The following ATP8A1 variants were observed in gnomAD, a reference collection of about 807,000 sequenced individuals.
The protein encoded by ATP8A1 is ATPase phospholipid transporting 8A1, also known as phospholipid-transporting ATPase IA.
ATP8A1 carries 90 observed loss-of-function variants against 177.7 expected under a neutral mutation model. The observed-to-expected ratio is 0.51, with a 90% CI of 0.43 to 0.60. ATP8A1 has a LOEUF of 0.60. ATP8A1 is among the 20% of genes least tolerant of loss of function. The probability of loss-of-function intolerance (pLI) is 0.00; values close to 1 mark genes in which losing one functional copy is unlikely to be tolerated. For missense variants in ATP8A1, 1,072 were observed against 1,392.8 expected (o/e 0.77, Z 3.67); for synonymous variants, 493 against 485.9 (o/e 1.01, Z -0.19).
At chr4:42,583,168 G>C (rs1481377881) in intron 9 of ATP8A1, among the ~76,000 whole-genome samples, 2 of 17,826 alleles carry the variant, frequency 1.1e-4, no homozygotes, top group Non-Finnish European at 4.9e-4. Flanking sequence ...GGACATTCAG[G>C]AACTACACAA....
intron 23 of ATP8A1, among the ~76,000 whole-genome samples, chr4:42,506,467 G>T (rs1168168714): frequency 6.6e-6 from 1 of 152,122 alleles, no homozygotes; most frequent in Non-Finnish European, 1.5e-5. Flanking sequence ...CCCAGCTCGT[G>T]GTATTTTGTT....
intron 20 of ATP8A1, among the ~76,000 whole-genome samples, chr4:42,532,833 T>C (rs977748462): frequency 2.0e-5 from 3 of 152,248 alleles, no homozygotes; most frequent in African/African-American, 4.8e-5. Context: ...CATTCCACTA[T>C]TGTGATTTGT....
intron 5 of ATP8A1, among the ~76,000 whole-genome samples, chr4:42,614,423 G>A (rs1736697227): frequency 6.6e-6 from 1 of 152,188 alleles, no homozygotes; most frequent in East Asian, 1.9e-4. Flanking sequence ...GGCAACAAAT[G>A]CAAAAACTGC....
chr4:42,417,606 T>C (rs1287576694), intron 35 of ATP8A1, among the ~76,000 whole-genome samples: 2 of 152,208 alleles, frequency 1.3e-5, no homozygotes, highest in Non-Finnish European at 2.9e-5. Context: ...AAAATGTCAG[T>C]GTTGGTAAAA....
At chr4:42,532,250 C>A (rs188991662) in intron 20 of ATP8A1, among the ~76,000 whole-genome samples, 4 of 152,088 alleles carry the variant, frequency 2.6e-5, no homozygotes, top group Non-Finnish European at 5.9e-5. Context: ...ACTGGGAGGC[C>A]GAGGTGGGCT....
chr4:42,521,202 T>C (rs940367496), intron 22 of ATP8A1, among the ~76,000 whole-genome samples: 1 of 152,222 alleles, frequency 6.6e-6, no homozygotes, highest in African/African-American at 2.4e-5. Flanking sequence ...ATGAGTGCTA[T>C]TGAAGAGTTA....
chr4:42,611,649 G>T (rs1434607633), intron 5 of ATP8A1, among the ~76,000 whole-genome samples: 1 of 152,070 alleles, frequency 6.6e-6, no homozygotes, highest in East Asian at 1.9e-4. Flanking sequence ...TTTAGATGAA[G>T]TTGTCATTCC....
intron 31 of ATP8A1, among the ~76,000 whole-genome samples, chr4:42,446,073 G>A (rs1219301967): frequency 1.1e-4 from 4 of 37,058 alleles, no homozygotes; most frequent in Admixed American, 4.3e-4. Flanking sequence ...AGAGTGAAAC[G>A]CCCTCTCAAA....
At chr4:42,576,167 G>A (rs543660349) in intron 12 of ATP8A1, among the ~76,000 whole-genome samples, 29 of 152,006 alleles carry the variant, frequency 1.9e-4, no homozygotes, top group Non-Finnish European at 4.3e-4. Context: ...TCTGGGCCAA[G>A]AAAGAAAAAC....
At chr4:42,463,406 T>C (rs541151670) in intron 27 of ATP8A1, among the ~76,000 whole-genome samples, 12 of 152,320 alleles carry the variant, frequency 7.9e-5, no homozygotes, top group African/African-American at 2.4e-4. Context: ...CTGCCATCCA[T>C]GTAAGATGCG....
intron 21 of ATP8A1, among the ~76,000 whole-genome samples, chr4:42,524,175 T>C (rs1726439224): frequency 6.6e-6 from 1 of 152,162 alleles, no homozygotes; most frequent in African/African-American, 2.4e-5. Flanking sequence ...GCCTTGCACA[T>C]AATATATTTC....
intron 8 of ATP8A1, among the ~76,000 whole-genome samples, chr4:42,587,377 G>A (rs1436021665): frequency 1.1e-4 from 17 of 149,562 alleles, no homozygotes; most frequent in Admixed American, 5.3e-4. Flanking sequence ...GCATGATCTC[G>A]GCTCACTACA....
chr4:42,622,387 C>CA lies in ATP8A1; in HGVS notation c.363+2148dup, dbSNP rs540830257. Among the ~76,000 whole-genome samples the CA allele has an allele frequency of 5.8e-4, 87 of 150,610 alleles. 1 individual carries two copies. Among genetic ancestry groups the CA allele is most frequent in the African/African-American group, 1.5e-3 (61 of 41,012 alleles). On this transcript the variant is annotated intron_variant, in intron 4 of 36. Transcript: ENST00000381668. ...ACAGAGTGATAATCCATCTCAAAAA[C>CA]AAAAAAAACAAACACAAAAAAAGAC...
At chr4:42,478,031 G>A (rs1721265134) in intron 25 of ATP8A1, among the ~76,000 whole-genome samples, 1 of 151,912 alleles carries the variant, frequency 6.6e-6, no homozygotes. Flanking sequence ...ATAGTGACAT[G>A]GATATGTCTC....
chr4:42,481,472 C>T (rs1267864443), intron 25 of ATP8A1, among the ~76,000 whole-genome samples: 2 of 152,146 alleles, frequency 1.3e-5, no homozygotes, highest in African/African-American at 2.4e-5. Context: ...CCATCAGATA[C>T]CCAAACTGCC....
chr4:42,433,070 T>TA (rs1715485634), intron 33 of ATP8A1, among the ~76,000 whole-genome samples: 1 of 152,216 alleles, frequency 6.6e-6, no homozygotes, highest in African/African-American at 2.4e-5. Flanking sequence ...GTAATGATGT[T>TA]AATGACATTC....
At chr4:42,628,790 C>T (rs974175719) in intron 1 of ATP8A1, among the ~76,000 whole-genome samples, 9 of 152,158 alleles carry the variant, frequency 5.9e-5, no homozygotes, top group Admixed American at 4.6e-4. Flanking sequence ...CCAGAGTGTG[C>T]TGTTCCCCGC....
Position 42,590,876 on chromosome 4 carries a change from T to C in ATP8A1, c.459A>G (p.Val153=). 1 of 1,608,870 alleles carries C rather than the reference T, an allele frequency of 6.2e-7. No homozygotes were observed. The highest frequency in any genetic ancestry group is 8.5e-7 in the Non-Finnish European group (1 of 1,178,992). Residue 153 remains valine, a synonymous_variant, in exon 7 of 37, where the codon GTA becomes GTG. Coordinates refer to ENST00000381668, the MANE Select transcript of ATP8A1 (RefSeq NM_006095.2). ...WEIVHWEKVA[V]GEIVKVTNGE... is the part of the protein sequence containing the mutation. ...CATTGGTCACTTTCACTATCTCCCC[T>C]ACTGCCACCTACACGTCCCAGTATA...
At chr4:42,493,639 A>G (rs1026079639) in intron 24 of ATP8A1, among the ~76,000 whole-genome samples, 1 of 152,146 alleles carries the variant, frequency 6.6e-6, no homozygotes, top group Non-Finnish European at 1.5e-5. Context: ...CTAGAAGGCC[A>G]ACTGTGTGGT....
Sources: allele counts gnomAD v4.1 joint callset (sites outside exome capture counted in the v4.1 genomes callset), GRCh38; gene constraint gnomAD v4.1.1; transcripts MANE v1.5; gene names NCBI Gene and HGNC (gene_info 2026-07-23, HGNC 2026-07-21).